Variants in F13A1 observed in about 807,000 individuals in gnomAD.
F13A1 encodes the protein FSF, A subunit.
A neutral mutation model predicts 80.1 loss-of-function variants in F13A1; 47 were observed. The ratio of observed to expected loss-of-function variants is 0.59; its 90% CI spans 0.46 to 0.75. F13A1 has a LOEUF of 0.75. Among genes scored for constraint, F13A1 ranks in the 30% least tolerant of loss-of-function variants. The pLI is 0.00. For missense variants in F13A1, 817 were observed against 930.4 expected (o/e 0.88, Z 1.59); for synonymous variants, 349 against 344.9 (o/e 1.01, Z -0.13).
intron 3 of F13A1, among the ~76,000 whole-genome samples, chr6:6,291,543 G>T (rs1186099853): frequency 6.6e-6 from 1 of 152,074 alleles, no homozygotes; most frequent in Non-Finnish European, 1.5e-5. Context: ...AGTTCAACCA[G>T]TGTCCCCCAA....
chr6:6,224,568 C>A (rs1757248426), intron 7 of F13A1, 118 bp downstream of exon 7: 1 of 916,934 alleles, frequency 1.1e-6, no homozygotes, highest in African/African-American at 1.7e-5. Flanking sequence ...GAATGGCTCA[C>A]CCATAAATTC....
intron 4 of F13A1, among the ~76,000 whole-genome samples, chr6:6,260,049 C>T (rs1205605168): frequency 2.0e-5 from 3 of 152,106 alleles, no homozygotes; most frequent in South Asian, 2.1e-4. Context: ...AATAACTGCC[C>T]GTCTCACTCC....
In F13A1 at chr6:6,267,915, G is replaced by C. The variant is rs139117949; in HGVS notation, c.320-1106C>G. Among the ~76,000 whole-genome samples, 130 of 152,254 alleles carry C rather than the reference G, an allele frequency of 8.5e-4. 1 individual carries two copies. In the East Asian group the frequency reaches 0.014, roughly 17 times the overall value. Reference sequence around the variant, plus strand: ...CTTTTGTTTTAAAAGCTTCACCTTTGTACTAACTTCTACTTTTGTTGGGAA... The same window carrying C: ...CTTTTGTTTTAAAAGCTTCACCTTTCTACTAACTTCTACTTTTGTTGGGAA... On this transcript the variant is annotated intron_variant, in intron 3 of 14. Transcript: ENST00000264870.
At chr6:6,253,142 C>CAAAAAAAA in intron 4 of F13A1, among the ~76,000 whole-genome samples, 1 of 73,946 alleles carries the variant, frequency 1.4e-5, no homozygotes, top group Non-Finnish European at 2.6e-5. Context: ...GAATCTGTCC[C>CAAAAAAAA]AAAAAAAAAA....
chr6:6,191,561 C>T (rs1318432509), intron 10 of F13A1, among the ~76,000 whole-genome samples: 1 of 152,142 alleles, frequency 6.6e-6, no homozygotes, highest in Admixed American at 6.5e-5. Context: ...GGAAAGCAGG[C>T]TTGGGGGCTG....
Position 6,162,608 on chromosome 6 carries a change from C to T in F13A1, c.1908+4850G>A, listed in dbSNP as rs971177864. 2.0e-5 allele frequency among the ~76,000 whole-genome samples: 3 copies of T among 152,228 alleles called. No homozygotes were observed. The highest frequency in any genetic ancestry group is 7.2e-5 in the African/African-American group (3 of 41,464). On this transcript the variant is annotated intron_variant, in intron 13 of 14. Transcript: ENST00000264870. This position sits in a 1 kb window ranked among gnomAD's most constrained non-coding sequence, Gnocchi z 4.2. ...CCAGAAGTGTCTCTCCTTCCCTCAA[C>T]AGGCACGTGATCACGGGCCAGTTAC... is the stretch of plus-strand genomic sequence containing the variant.
intron 3 of F13A1, among the ~76,000 whole-genome samples, chr6:6,272,865 T>G (rs1757941166): frequency 6.6e-6 from 1 of 152,244 alleles, no homozygotes; most frequent in African/African-American, 2.4e-5. Context: ...ATAGTTTTCT[T>G]TAAATCAATA....
intron 8 of F13A1, among the ~76,000 whole-genome samples, chr6:6,217,533 T>TGGGGGGA (rs1554101322): frequency 1.3e-5 from 1 of 74,554 alleles, no homozygotes; most frequent in African/African-American, 5.4e-5. Context: ...TGTTGTGGGG[T>TGGGGGGA]GGGGGGAGGG....
At chr6:6,200,184 C>T (rs181701592) in intron 8 of F13A1, among the ~76,000 whole-genome samples, 22 of 151,838 alleles carry the variant, frequency 1.4e-4, no homozygotes, top group Admixed American at 6.6e-4. Flanking sequence ...GAGGAGGTTG[C>T]GGGAGTATTG....
intron 8 of F13A1, among the ~76,000 whole-genome samples, chr6:6,204,190 T>TAAAC (rs903024123): frequency 4.6e-5 from 7 of 152,206 alleles, no homozygotes; most frequent in African/African-American, 1.4e-4. Context: ...ACTAACTGCT[T>TAAAC]AAACAGTCCA....
intron 4 of F13A1, among the ~76,000 whole-genome samples, chr6:6,258,685 A>G (rs1011087814): frequency 2.0e-5 from 3 of 152,162 alleles, no homozygotes; most frequent in East Asian, 3.8e-4. Context: ...AAAAAGCATA[A>G]TAAGTCTCTA....
intron 12 of F13A1, among the ~76,000 whole-genome samples, chr6:6,172,842 A>G (rs1242392731): frequency 6.6e-6 from 1 of 152,148 alleles, no homozygotes; most frequent in South Asian, 2.1e-4. Context: ...TTAGGATTTT[A>G]AAAAATAGTT....
intron 12 of F13A1, among the ~76,000 whole-genome samples, chr6:6,170,980 G>C (rs573855747): frequency 1.3e-5 from 2 of 152,300 alleles, no homozygotes; most frequent in African/African-American, 4.8e-5. Flanking sequence ...TGGGAGATGT[G>C]TTCCTATGGA....
chr6:6,306,240 C>G (rs1758511028), intron 2 of F13A1, among the ~76,000 whole-genome samples: 1 of 152,190 alleles, frequency 6.6e-6, no homozygotes, highest in Non-Finnish European at 1.5e-5. Context: ...TGGGCCAGTT[C>G]AAAAGTCAAA....
Position 6,174,699 on chromosome 6 carries a change from T to C in F13A1, c.1628A>G (p.Asn543Ser). 6.2e-7 allele frequency: 1 copy of C among 1,614,150 alleles called. No individual in the cohort carries two copies. Among genetic ancestry groups the C allele is most frequent in the South Asian group, 1.1e-5 (1 of 91,070 alleles). The stretch of plus-strand genomic sequence containing the variant: ...TGTGATGGTGTAACGGTTGTGGCTG[T>C]TGTTCCGGAAGGTGATGGAGAGCTT... ...DFKLSITFRN[N>S]SHNRYTITAY... The change falls in exon 12 of 15, where the codon AAC becomes AGC. Residue 543 changes from asparagine (N) to serine (S), a missense_variant. Transcript: ENST00000264870.
intron 8 of F13A1, among the ~76,000 whole-genome samples, chr6:6,201,039 C>T (rs1376189184): frequency 2.0e-5 from 3 of 152,162 alleles, no homozygotes; most frequent in Admixed American, 1.3e-4. Flanking sequence ...GAATGGACGC[C>T]GTCCTGCTTC....
chr6:6,145,885 TAGGACACTGA>T (rs1432527643), intron 14 of F13A1, 113 bp from the exon 15 acceptor site: 1 of 1,419,016 alleles, frequency 7.0e-7, no homozygotes, highest in Non-Finnish European at 9.8e-7. Flanking sequence ...AGTTGGTGCT[TAGGACACTGA>T]AGACTCTCAC....
intron 14 of F13A1, among the ~76,000 whole-genome samples, chr6:6,147,667 G>A (rs1760308658): frequency 6.6e-6 from 1 of 152,166 alleles, no homozygotes; most frequent in Non-Finnish European, 1.5e-5. Context: ...ACCATGTACT[G>A]TAGATAACCA....
intron 2 of F13A1, among the ~76,000 whole-genome samples, chr6:6,307,452 C>T (rs1758528821): frequency 6.6e-6 from 1 of 152,180 alleles, no homozygotes; most frequent in Admixed American, 6.5e-5. Flanking sequence ...CCGTGATAAA[C>T]CAGCCCAAGA....
Sources: gnomAD v4.1 joint callset for allele counts (sites outside exome capture counted in the v4.1 genomes callset) on GRCh38, gnomAD v4.1.1 for gene constraint, Gnocchi (gnomAD v3.1) non-coding constraint, MANE v1.5 for transcripts, NCBI Gene and HGNC (gene_info 2026-07-23, HGNC 2026-07-21) for gene names.